SLC30A8: variants seen among roughly 807,000 people sequenced by gnomAD.
SLC30A8 encodes proton-coupled zinc antiporter SLC30A8.
A neutral mutation model predicts 36.9 loss-of-function variants in SLC30A8; 27 were observed. The ratio of observed to expected loss-of-function variants is 0.73; its 90% confidence interval spans 0.54 to 1.01. The LOEUF (loss-of-function observed/expected upper bound fraction) is 1.01, where lower values mean the gene tolerates loss of function less well. Among genes scored for constraint, SLC30A8 ranks in the 50% least tolerant of loss-of-function variants. The pLI is 0.00. For synonymous variants in SLC30A8, 164 were observed against 172.4 expected, an observed-to-expected ratio of 0.95 and a Z score of 0.38; for missense variants, 439 against 452.0, an observed-to-expected ratio of 0.97 and a Z score of 0.26.
At chr8:117,086,625 C>G (rs1818888885) in intron 2 of SLC30A8, among the ~76,000 whole-genome samples, 1 of 152,162 alleles carries the variant, frequency 6.6e-6, no homozygotes, top group Admixed American at 6.5e-5. Context: ...CCATGGGTCT[C>G]TCATTTGCCT....
intron 7 of SLC30A8, 92 bp downstream of exon 7, chr8:117,171,260 G>T: frequency 7.3e-7 from 1 of 1,362,364 alleles, no homozygotes; most frequent in South Asian, 1.2e-5. Context: ...TGCCCTTATT[G>T]TCTGTTGCTT....
chr8:116,983,391 T>C (rs1815341055), intron 1 of SLC30A8, among the ~76,000 whole-genome samples: 1 of 152,004 alleles, frequency 6.6e-6, no homozygotes, highest in African/African-American at 2.4e-5. Context: ...TTGTAGCTAA[T>C]ATGATACACT....
intron 5 of SLC30A8, among the ~76,000 whole-genome samples, chr8:117,162,480 C>T (rs776516090): frequency 1.5e-4 from 23 of 152,024 alleles, no homozygotes; most frequent in Non-Finnish European, 1.8e-4. Context: ...AATGACTTCC[C>T]GGTAAGCCTC....
At chr8:116,973,914 A>G (rs1289391084) in intron 1 of SLC30A8, among the ~76,000 whole-genome samples, 3 of 152,184 alleles carry the variant, frequency 2.0e-5, no homozygotes, top group Non-Finnish European at 2.9e-5. Flanking sequence ...TCTTTGACAA[A>G]CCTGACAAAA....
intron 1 of SLC30A8, among the ~76,000 whole-genome samples, chr8:116,968,004 A>T (rs548361855): frequency 1.4e-4 from 21 of 152,276 alleles, no homozygotes; most frequent in Non-Finnish European, 2.6e-4. Flanking sequence ...TAATTCTGTG[A>T]TCTTGGCCCA....
At chr8:117,157,487 G>T (rs1293848923) in intron 3 of SLC30A8, among the ~76,000 whole-genome samples, 3 of 152,202 alleles carry the variant, frequency 2.0e-5, no homozygotes, top group Non-Finnish European at 4.4e-5. Flanking sequence ...TAGTGACTCA[G>T]ATGCTGGTGT....
intron 1 of SLC30A8, among the ~76,000 whole-genome samples, chr8:117,038,914 T>A (rs567446631): frequency 6.6e-6 from 1 of 152,364 alleles, no homozygotes; most frequent in East Asian, 1.9e-4. Flanking sequence ...AGATGCTTTA[T>A]GAATCATTTC....
At chr8:117,034,595 G>T (rs1218909267) in intron 1 of SLC30A8, among the ~76,000 whole-genome samples, 4 of 152,062 alleles carry the variant, frequency 2.6e-5, no homozygotes, top group South Asian at 2.1e-4. Context: ...CTAGAGCTGG[G>T]GTTTGAACCC....
chr8:116,999,684 G>A (rs1446392784), intron 1 of SLC30A8, among the ~76,000 whole-genome samples: 1 of 152,058 alleles, frequency 6.6e-6, no homozygotes, highest in Admixed American at 6.5e-5. Context: ...GATAAATGAG[G>A]TTTCCTGTTT....
intron 3 of SLC30A8, 53 bp from the exon 4 acceptor site, chr8:117,157,638 G>T: frequency 6.2e-7 from 1 of 1,600,740 alleles, no homozygotes; most frequent in Non-Finnish European, 8.5e-7. Flanking sequence ...GGGTGTAGGT[G>T]TAGGTGATGG....
chr8:117,072,636 T>C (rs1026116971), intron 2 of SLC30A8, among the ~76,000 whole-genome samples: 2 of 152,170 alleles, frequency 1.3e-5, no homozygotes, highest in African/African-American at 4.8e-5. Context: ...GTATTTTATT[T>C]TATTGTCATC....
intron 1 of SLC30A8, among the ~76,000 whole-genome samples, chr8:117,026,457 G>C (rs958862364): frequency 6.6e-6 from 1 of 152,166 alleles, no homozygotes; most frequent in African/African-American, 2.4e-5. Flanking sequence ...TCTTGTGTAA[G>C]AGTTTTTAGA....
intron 2 of SLC30A8, among the ~76,000 whole-genome samples, chr8:117,045,960 A>T (rs1408986676): frequency 1.2e-4 from 17 of 142,042 alleles, no homozygotes; most frequent in Admixed American, 2.1e-4. Flanking sequence ...TTTTTTTTTT[A>T]AAACTGACAG....
At chr8:117,002,071 C>T (rs1279647600) in intron 1 of SLC30A8, among the ~76,000 whole-genome samples, 1 of 152,150 alleles carries the variant, frequency 6.6e-6, no homozygotes, top group Non-Finnish European at 1.5e-5. Context: ...TGCTTTCTTC[C>T]AAAGTCCTTG....
intron 2 of SLC30A8, among the ~76,000 whole-genome samples, chr8:117,113,438 A>G (rs1028009355): frequency 1.3e-5 from 2 of 152,156 alleles, no homozygotes; most frequent in Non-Finnish European, 2.9e-5. Context: ...TATGAAGATG[A>G]GATAAGAAAA....
intron 1 of SLC30A8, among the ~76,000 whole-genome samples, chr8:116,987,815 C>A (rs1043869058): frequency 5.3e-5 from 8 of 152,202 alleles, no homozygotes; most frequent in African/African-American, 1.9e-4. Context: ...CCTGCCTCAG[C>A]CTCCTAAGTA....
At chr8:117,002,469 C>T (rs1816042392) in intron 1 of SLC30A8, among the ~76,000 whole-genome samples, 1 of 152,162 alleles carries the variant, frequency 6.6e-6, no homozygotes, top group Non-Finnish European at 1.5e-5. Context: ...TTGGAATTCT[C>T]ACCCCACCAT....
At chr8:117,111,377 A>G (rs1052335549) in intron 2 of SLC30A8, among the ~76,000 whole-genome samples, 17 of 152,302 alleles carry the variant, frequency 1.1e-4, no homozygotes, top group African/African-American at 4.1e-4. Context: ...AGACTTTAGC[A>G]GTAGACCACT....
upstream of SLC30A8, among the ~76,000 whole-genome samples, chr8:117,131,382 A>ATAGT (rs1466515607): frequency 3.9e-5 from 6 of 152,018 alleles, no homozygotes; most frequent in Admixed American, 6.6e-5. Flanking sequence ...TAAGATCTTT[A>ATAGT]TAGTTATGTG....
Sources: allele counts gnomAD v4.1 joint callset (sites outside exome capture counted in the v4.1 genomes callset), GRCh38; gene constraint gnomAD v4.1.1; transcripts MANE v1.5; gene names NCBI Gene and HGNC (gene_info 2026-07-23, HGNC 2026-07-21).